Variants in AKAP6 observed in about 807,000 individuals in gnomAD.
AKAP6 encodes the protein A-kinase anchor protein 6.
A neutral mutation model predicts 188.5 loss-of-function variants in AKAP6; 58 were observed. That is an observed-to-expected ratio of 0.31 (90% CI 0.25 to 0.38). The LOEUF (loss-of-function observed/expected upper bound fraction) is 0.38, where lower values mean the gene tolerates loss of function less well. Ranked by LOEUF, AKAP6 falls within the 10% of genes least tolerant of loss-of-function variation. AKAP6 has a pLI of 1.00. For synonymous variants in AKAP6, 989 were observed against 998.6 expected, an observed-to-expected ratio of 0.99 and a Z score of 0.18; for missense variants, 2,710 against 2,740.0, an observed-to-expected ratio of 0.99 and a Z score of 0.24.
At chr14:32,664,119 A>G (rs1888818786) in intron 7 of AKAP6, among the ~76,000 whole-genome samples, 1 of 152,120 alleles carries the variant, frequency 6.6e-6, no homozygotes, top group Non-Finnish European at 1.5e-5. Flanking sequence ...TAGAATATCA[A>G]TATGCCTAGT....
intron 7 of AKAP6, among the ~76,000 whole-genome samples, chr14:32,635,636 TAGAC>T (rs977136748): frequency 3.9e-5 from 6 of 151,992 alleles, no homozygotes; most frequent in Non-Finnish European, 8.8e-5. Context: ...CTGGTAAAAA[TAGAC>T]AGTGGATATG....
chr14:32,653,114 A>G (rs1033080021), intron 7 of AKAP6, among the ~76,000 whole-genome samples: 7 of 152,278 alleles, frequency 4.6e-5, no homozygotes, highest in Admixed American at 2.0e-4. Context: ...ACAACTTTGC[A>G]TGTCATAACA....
intron 2 of AKAP6, among the ~76,000 whole-genome samples, chr14:32,460,691 A>G (rs964790487): frequency 2.0e-5 from 3 of 152,164 alleles, no homozygotes; most frequent in African/African-American, 4.8e-5. Context: ...TTCATACCCC[A>G]TGGGTGCCTG....
At chr14:32,515,278 G>T in intron 2 of AKAP6, among the ~76,000 whole-genome samples, 1 of 152,078 alleles carries the variant, frequency 6.6e-6, no homozygotes, top group Middle Eastern at 3.2e-3. Flanking sequence ...CTGCCCCCAT[G>T]ATTCAATGAT....
intron 7 of AKAP6, among the ~76,000 whole-genome samples, chr14:32,605,256 C>G (rs903871266): frequency 6.6e-6 from 1 of 152,150 alleles, no homozygotes; most frequent in African/African-American, 2.4e-5. Context: ...ACTAACCCTA[C>G]CTTGGGCTAT....
intron 12 of AKAP6, among the ~76,000 whole-genome samples, chr14:32,794,602 A>G (rs2033708648): frequency 6.6e-6 from 1 of 152,296 alleles, no homozygotes; most frequent in Non-Finnish European, 1.5e-5. Flanking sequence ...AAAACTAATG[A>G]GAACAAAGTG....
intron 11 of AKAP6, among the ~76,000 whole-genome samples, chr14:32,756,952 G>T (rs866452667): frequency 6.6e-6 from 1 of 152,094 alleles, no homozygotes; most frequent in African/African-American, 2.4e-5. Flanking sequence ...TTGGAGACTG[G>T]GTCCATGAGT....
chr14:32,694,219 A>G (rs1331365854), intron 8 of AKAP6, among the ~76,000 whole-genome samples: 1 of 151,854 alleles, frequency 6.6e-6, no homozygotes, highest in Admixed American at 6.6e-5. Flanking sequence ...AAATTAGCCG[A>G]GCGTGGTGGT....
At chr14:32,563,752 A>G (rs1884065554) in intron 4 of AKAP6, among the ~76,000 whole-genome samples, 1 of 138,902 alleles carries the variant, frequency 7.2e-6, no homozygotes, top group African/African-American at 2.7e-5. Flanking sequence ...ATGATTCTTG[A>G]ATTGTATTAG....
intron 2 of AKAP6, among the ~76,000 whole-genome samples, chr14:32,486,317 A>G (rs1879689833): frequency 6.6e-6 from 1 of 152,138 alleles, no homozygotes; most frequent in Admixed American, 6.5e-5. Flanking sequence ...TTGGTTCCAT[A>G]TTAAATTTAA....
At chr14:32,399,704 A>G (rs1478675553) in intron 1 of AKAP6, among the ~76,000 whole-genome samples, 2 of 152,200 alleles carry the variant, frequency 1.3e-5, no homozygotes, top group Non-Finnish European at 2.9e-5. Flanking sequence ...GGATGATAGA[A>G]GCTGGATATT....
Position 32,562,530 on chromosome 14 carries a change from T to A in AKAP6, c.2347-14590T>A, listed in dbSNP as rs551152666. Among the ~76,000 whole-genome samples, 9 of 152,264 alleles carry A rather than the reference T, an allele frequency of 5.9e-5. No individual in the cohort carries two copies. In the East Asian group the frequency reaches 1.7e-3, roughly 29 times the overall value. Reference sequence around the variant, plus strand: ...CTCAGCACTTTGGGAAGCTGAGGCATGTGGATCACTTGAGGTCAGGAGTTC... The same window carrying A: ...CTCAGCACTTTGGGAAGCTGAGGCAAGTGGATCACTTGAGGTCAGGAGTTC... On this transcript the variant is annotated intron_variant, in intron 4 of 13. Transcript: ENST00000280979.
intron 2 of AKAP6, among the ~76,000 whole-genome samples, chr14:32,527,122 C>T (rs1882170203): frequency 6.6e-6 from 1 of 152,210 alleles, no homozygotes; most frequent in Non-Finnish European, 1.5e-5. Flanking sequence ...AGTCTTCCCT[C>T]CTTGCCCCAA....
chr14:32,571,424 G>A (rs1284198830), intron 4 of AKAP6, among the ~76,000 whole-genome samples: 1 of 152,152 alleles, frequency 6.6e-6, no homozygotes, highest in Non-Finnish European at 1.5e-5. Context: ...CAGCTACTCA[G>A]GTGGCTGAGG....
chr14:32,794,783 TAAC>T (rs1481163355), intron 12 of AKAP6, among the ~76,000 whole-genome samples: 1 of 151,396 alleles, frequency 6.6e-6, no homozygotes, highest in Non-Finnish European at 1.5e-5. Context: ...AGACAAGAAA[TAAC>T]AAAATTCAGA....
chr14:32,527,495 T>C (rs1204677330), intron 2 of AKAP6, among the ~76,000 whole-genome samples: 1 of 152,182 alleles, frequency 6.6e-6, no homozygotes, highest in Non-Finnish European at 1.5e-5. Context: ...CGATTGCTGG[T>C]TTTTATGGTG....
At chr14:32,376,833 A>G (rs1333336204) in intron 1 of AKAP6, among the ~76,000 whole-genome samples, 1 of 152,082 alleles carries the variant, frequency 6.6e-6, no homozygotes, top group African/African-American at 2.4e-5. Context: ...AGTAGCTGGG[A>G]TTACAGGTGC....
intron 12 of AKAP6, among the ~76,000 whole-genome samples, chr14:32,795,813 G>A (rs904892396): frequency 1.3e-5 from 2 of 152,100 alleles, no homozygotes; most frequent in Admixed American, 6.6e-5. Context: ...GAAATAAAGG[G>A]CATTTAAATA....
At position 32,633,059 on chromosome 14, in the gene AKAP6, G is replaced by T. The variant is rs551490124; in HGVS notation, c.2730+32267G>T. Among the ~76,000 whole-genome samples the T allele has an allele frequency of 7.2e-5, 11 of 151,890 alleles. No individual in the cohort carries two copies. The East Asian group carries it at 2.1e-3, about 29-fold the overall frequency. On this transcript the variant is annotated intron_variant, in intron 7 of 13. Coordinates refer to ENST00000280979, the MANE Select transcript of AKAP6 (RefSeq NM_004274.5). ...AGAAAGTATGGACACATGTTAACTG[G>T]GTCTTTTCTCTGTTTACTTTTTTCT...
Sources: gnomAD v4.1 joint callset for allele counts (sites outside exome capture counted in the v4.1 genomes callset) on GRCh38, gnomAD v4.1.1 for gene constraint, MANE v1.5 for transcripts, NCBI Gene and HGNC (gene_info 2026-07-23, HGNC 2026-07-21) for gene names.